Variants in PIK3AP1 observed in about 807,000 individuals in gnomAD.
PIK3AP1 encodes phosphoinositide-3-kinase adaptor protein 1.
Under a neutral mutation model 88.1 loss-of-function variants are expected in PIK3AP1, and 21 were observed. That is an observed-to-expected ratio of 0.24 (90% CI 0.17 to 0.34). The LOEUF is 0.34. Among genes scored for constraint, PIK3AP1 ranks in the 10% least tolerant of loss-of-function variants. The pLI, the probability that PIK3AP1 is intolerant of heterozygous loss-of-function variation, is 1.00. For missense variants in PIK3AP1, 828 were observed against 1,035.7 expected (o/e 0.80, Z 2.75); for synonymous variants, 398 against 400.0 (o/e 1.00, Z 0.06).
intron 2 of PIK3AP1, among the ~76,000 whole-genome samples, chr10:96,693,464 G>GATGGATGGATGGATGC: frequency 6.6e-6 from 1 of 152,192 alleles, no homozygotes; most frequent in Non-Finnish European, 1.5e-5. Context: ...TGGATGGATG[G>GATGGATGGATGGATGC]ATGGATGATT....
chr10:96,639,562 C>T (rs1843357410), intron 8 of PIK3AP1, among the ~76,000 whole-genome samples: 1 of 152,134 alleles, frequency 6.6e-6, no homozygotes, highest in Non-Finnish European at 1.5e-5. Flanking sequence ...TCACTAAGTC[C>T]CTATGTCCCC....
intron 6 of PIK3AP1, among the ~76,000 whole-genome samples, chr10:96,649,801 C>A (rs1013902597): frequency 1.3e-5 from 2 of 152,214 alleles, no homozygotes. Flanking sequence ...AGTTCACTCT[C>A]TAATTGGTGA....
At chr10:96,603,804 T>C in intron 15 of PIK3AP1, 175 bp downstream of exon 15, 1 of 618,180 alleles carries the variant, frequency 1.6e-6, no homozygotes, top group Non-Finnish European at 2.7e-6. Flanking sequence ...CTCCAGCCGC[T>C]GGCAACCACC....
At chr10:96,707,826 A>C (rs973861462) in intron 2 of PIK3AP1, among the ~76,000 whole-genome samples, 2 of 152,234 alleles carry the variant, frequency 1.3e-5, no homozygotes, top group Non-Finnish European at 2.9e-5. Flanking sequence ...AAAATGAATT[A>C]TATGCTTTTT....
chr10:96,595,603 G>A lies in PIK3AP1; in HGVS notation c.2392C>T (p.Pro798Ser), dbSNP rs1364162191. 1 of 1,613,268 alleles carries A rather than the reference G, an allele frequency of 6.2e-7. No homozygotes were observed. Among genetic ancestry groups the A allele is most frequent in the African/African-American group, 1.3e-5 (1 of 74,906 alleles). The change falls in exon 17 of 17, where the codon CCA becomes TCA. Residue 798 changes from proline to serine, a missense_variant. By Grantham distance (74) the Pro-to-Ser change is moderately conservative. This residue lies in a region of PIK3AP1 where 191 missense variants were observed against 208.6 expected (regional missense o/e 0.92). Coordinates refer to ENST00000339364, the MANE Select transcript of PIK3AP1 (RefSeq NM_152309.3). ...PPTRETFHPP[P>S]PVPPRGR The stretch of plus-strand genomic sequence containing the variant: ...CAGCGTCCTCTGGGTGGAACAGGTG[G>A]AGGAGGATGGAAGGTCTCCCTGGTC...
chr10:96,713,078 T>G (rs765482174), intron 1 of PIK3AP1, among the ~76,000 whole-genome samples: 1 of 152,172 alleles, frequency 6.6e-6, no homozygotes, highest in Non-Finnish European at 1.5e-5. Flanking sequence ...AGAGGGCAGC[T>G]TGGGGCCAGG....
chr10:96,629,927 A>AAAAAAAAAAAAAAG (rs1564961851), intron 8 of PIK3AP1, among the ~76,000 whole-genome samples: 2 of 14,638 alleles, frequency 1.4e-4, no homozygotes, highest in Non-Finnish European at 1.8e-4. Flanking sequence ...AAAAAAAAAA[A>AAAAAAAAAAAAAAG]AAAAAGAAGA....
chr10:96,708,447 C>A (rs1399257635), intron 2 of PIK3AP1, among the ~76,000 whole-genome samples: 1 of 151,646 alleles, frequency 6.6e-6, no homozygotes, highest in Non-Finnish European at 1.5e-5. Context: ...TGGTGGTGGG[C>A]ACCTGCAATC....
At chr10:96,657,336 C>T (rs1169842851) in intron 2 of PIK3AP1, among the ~76,000 whole-genome samples, 2 of 152,302 alleles carry the variant, frequency 1.3e-5, no homozygotes, top group Non-Finnish European at 2.9e-5. Context: ...ATTCTTGGAA[C>T]ATCAAGTAAA....
At chr10:96,615,857 A>C (rs973535645) in intron 13 of PIK3AP1, among the ~76,000 whole-genome samples, 2 of 152,182 alleles carry the variant, frequency 1.3e-5, no homozygotes, top group Non-Finnish European at 2.9e-5. Context: ...GCAGCTGGAG[A>C]GAGACCGTGG....
intron 2 of PIK3AP1, among the ~76,000 whole-genome samples, chr10:96,707,586 C>A (rs1844381342): frequency 6.6e-6 from 1 of 152,156 alleles, no homozygotes; most frequent in South Asian, 2.1e-4. Flanking sequence ...CACCACTGCG[C>A]CCAGCCACAC....
At chr10:96,642,513 GAAAAGAAAAGA>G (rs1272097010) in intron 8 of PIK3AP1, among the ~76,000 whole-genome samples, 11 of 151,378 alleles carry the variant, frequency 7.3e-5, no homozygotes, top group African/African-American at 1.2e-4. Flanking sequence ...AAAAAGGAAG[GAAAAGAAAAGA>G]AAAAGAAAAG....
chr10:96,630,549 T>C (rs72818985), intron 8 of PIK3AP1, among the ~76,000 whole-genome samples: 4,430 of 152,170 alleles, frequency 0.029, 122 homozygotes, highest in Non-Finnish European at 0.036. Flanking sequence ...GTTAGAAAAC[T>C]GGAGGCCGGG....
intron 3 of PIK3AP1, 149 bp downstream of exon 3, chr10:96,656,649 G>T: frequency 8.6e-7 from 1 of 1,158,766 alleles, no homozygotes; most frequent in Non-Finnish European, 1.2e-6. Flanking sequence ...CAGGGCCCGG[G>T]TAACAGGGTA....
At chr10:96,621,131 T>G (rs950569641) in intron 11 of PIK3AP1, 2 of 158,394 alleles carry the variant, frequency 1.3e-5, no homozygotes, top group African/African-American at 4.8e-5. Context: ...TTAGTGCCCC[T>G]GGGGGCAGGG....
chr10:96,676,171 A>G (rs893816647), intron 2 of PIK3AP1, among the ~76,000 whole-genome samples: 3 of 152,114 alleles, frequency 2.0e-5, no homozygotes, highest in Admixed American at 2.0e-4. Context: ...TCTGTGTCTG[A>G]AAGCAAGCAT....
chr10:96,681,113 C>T (rs111752531), intron 2 of PIK3AP1, among the ~76,000 whole-genome samples: 28 of 152,050 alleles, frequency 1.8e-4, no homozygotes, highest in Non-Finnish European at 8.8e-5. Context: ...GTTTTTTTCT[C>T]GGGCCTCCCT....
chr10:96,661,053 C>T (rs1024434976), intron 2 of PIK3AP1, among the ~76,000 whole-genome samples: 3 of 151,940 alleles, frequency 2.0e-5, no homozygotes, highest in Non-Finnish European at 2.9e-5. Context: ...GCCATGAGGC[C>T]GAGAGGCTAA....
intron 1 of PIK3AP1, among the ~76,000 whole-genome samples, chr10:96,714,182 A>T (rs533427741): frequency 6.6e-6 from 1 of 152,320 alleles, no homozygotes; most frequent in East Asian, 1.9e-4. Context: ...CTCAAAAAAA[A>T]AAAAGACTCC....
Sources: allele counts gnomAD v4.1 joint callset (sites outside exome capture counted in the v4.1 genomes callset), GRCh38; gene constraint gnomAD v4.1.1; regional missense constraint gnomAD v4.1.1; transcripts MANE v1.5; gene names NCBI Gene and HGNC (gene_info 2026-07-23, HGNC 2026-07-21).